Variants in TRRAP observed in about 807,000 individuals in gnomAD.
TRRAP encodes transformation/transcription domain associated protein.
A neutral mutation model predicts 438.8 loss-of-function variants in TRRAP; 41 were observed. The observed-to-expected ratio is 0.09, with a 90% CI of 0.07 to 0.12. TRRAP has a LOEUF of 0.12. TRRAP is among the 10% of genes least tolerant of loss of function. The pLI is 1.00. For synonymous variants in TRRAP, 1,994 were observed against 1,962.9 expected (o/e 1.02, Z -0.42); for missense variants, 3,122 against 5,055.1 (o/e 0.62, Z 11.60).
chr7:98,930,774 A>T lies in TRRAP; in HGVS notation c.3535A>T (p.Asn1179Tyr). ...GCTGCCTCTCACTTGGGTTCTCCAG[A>T]ACCAGCAGACATTCCTGAAAGCACT... ...ERLPLTWVLQ[N>Y]QQTFLKALLF... Residue 1179 changes from asparagine (N) to tyrosine (Y), a missense_variant, in exon 25 of 73, where the codon AAC (asparagine) becomes TAC (tyrosine). Around this residue, in one of 24 missense-constraint regions of TRRAP, gnomAD observed 153 missense variants for 223.0 expected, o/e 0.69. Coordinates refer to ENST00000456197, the MANE Select transcript of TRRAP (RefSeq NM_001375524.1). 1 of 1,614,222 alleles carries T rather than the reference A, an allele frequency of 6.2e-7. No individual in the cohort carries two copies. Among genetic ancestry groups the T allele is most frequent in the Non-Finnish European group, 8.5e-7 (1 of 1,180,054 alleles).
At chr7:98,930,586 A>C in intron 24 of TRRAP, 47 bp from the exon 25 acceptor site, 1 of 1,604,310 alleles carries the variant, frequency 6.2e-7, no homozygotes, top group East Asian at 2.2e-5. Context: ...CTCAAAAAAA[A>C]CAAGAATTGC....
At chr7:98,906,630 G>A (rs948345776) in intron 13 of TRRAP, among the ~76,000 whole-genome samples, 7 of 151,584 alleles carry the variant, frequency 4.6e-5, no homozygotes, top group Middle Eastern at 3.4e-3. Flanking sequence ...ATGGGGTTTC[G>A]CCATGTTGGC....
At chr7:98,923,500 A>G (rs1334891411) in intron 21 of TRRAP, among the ~76,000 whole-genome samples, 2 of 152,252 alleles carry the variant, frequency 1.3e-5, no homozygotes, top group African/African-American at 4.8e-5. Context: ...CCATTAAACC[A>G]TTCTGCTTTT....
At chr7:98,903,344 C>A (rs1584288839) in intron 11 of TRRAP, 35 bp from the exon 12 acceptor site, 1 of 1,612,500 alleles carries the variant, frequency 6.2e-7, no homozygotes, top group East Asian at 2.2e-5. Flanking sequence ...ACTCTCCTAT[C>A]CCTGTAACTG....
chr7:98,938,791 G>A (rs1468134547), intron 30 of TRRAP, among the ~76,000 whole-genome samples: 1 of 152,190 alleles, frequency 6.6e-6, no homozygotes, highest in Non-Finnish European at 1.5e-5. Context: ...TATCTGTGGT[G>A]TACATTTCTA....
intron 19 of TRRAP, among the ~76,000 whole-genome samples, chr7:98,917,204 A>G (rs960080754): frequency 2.0e-5 from 3 of 152,006 alleles, no homozygotes; most frequent in Non-Finnish European, 2.9e-5. Context: ...TTAAATTATA[A>G]TTTATAACAG....
chr7:98,910,639 A>G (rs782261911), intron 16 of TRRAP, 32 bp downstream of exon 16: 1 of 1,572,052 alleles, frequency 6.4e-7, no homozygotes, highest in Non-Finnish European at 8.7e-7. Context: ...AGGCTTTCGC[A>G]TATGGAAAGT....
chr7:98,980,593 C>T (rs1016880140), intron 58 of TRRAP, among the ~76,000 whole-genome samples: 2 of 152,192 alleles, frequency 1.3e-5, no homozygotes, highest in East Asian at 1.9e-4. Context: ...ATGGAACTGA[C>T]GCTGGAGTGC....
At chr7:98,950,309 G>A (rs782105069) in intron 38 of TRRAP, 47 bp downstream of exon 38, 24 of 1,592,442 alleles carry the variant, frequency 1.5e-5, no homozygotes, top group Non-Finnish European at 2.1e-5. Flanking sequence ...ATTTGGTCTG[G>A]TTTTCTAGGG....
intron 23 of TRRAP, among the ~76,000 whole-genome samples, 166 bp from the exon 24 acceptor site, chr7:98,929,823 A>G (rs1040674085): frequency 6.6e-6 from 1 of 151,938 alleles, no homozygotes; most frequent in African/African-American, 2.4e-5. Flanking sequence ...TCAAACTTCT[A>G]TGTCAAGTGA....
Position 98,956,470 on chromosome 7 carries a change from C to G in TRRAP, c.6168C>G (p.Gly2056=). The change falls in exon 43 of 73, where the codon GGC becomes GGG. Residue 2056 remains glycine, a synonymous_variant. Transcript: ENST00000456197. The surrounding 1 kb of genome is among the most constrained non-coding windows in gnomAD (Gnocchi z 4.5). ...CTGTCTCATCCTCCATTAAGAGAGG[C>G]CTGTCCGTGGATTCTGCCCAGGAAG... ...VNSVSSSIKR[G]LSVDSAQEVK... is the part of the protein sequence containing the mutation. The G allele has an allele frequency of 6.2e-7, 1 of 1,614,224 alleles. No homozygotes were observed. The highest frequency in any genetic ancestry group is 8.5e-7 in the Non-Finnish European group (1 of 1,180,046).
At chr7:98,977,130 C>G in intron 56 of TRRAP, 54 bp downstream of exon 56, 1 of 1,603,328 alleles carries the variant, frequency 6.2e-7, no homozygotes, top group Non-Finnish European at 8.5e-7. Flanking sequence ...TCATTTATAA[C>G]GGTTCTTTAA....
intron 3 of TRRAP, among the ~76,000 whole-genome samples, chr7:98,886,121 C>T (rs1795683625): frequency 6.6e-6 from 1 of 152,124 alleles, no homozygotes; most frequent in Admixed American, 6.5e-5. Flanking sequence ...TCTGTCTCTA[C>T]TCCAAATACA....
chr7:98,942,812 A>G (rs1554415972), intron 30 of TRRAP, 137 bp from the exon 31 acceptor site: 2 of 874,782 alleles, frequency 2.3e-6, no homozygotes, highest in Admixed American at 4.7e-5. Context: ...CACTAGTTAG[A>G]TGGTTGCGCT....
In TRRAP at chr7:98,948,251, C is replaced by G. The variant is rs781988203; in HGVS notation, c.4579C>G (p.Leu1527Val). 5.6e-6 allele frequency: 9 copies of G among 1,613,960 alleles called. No individual in the cohort carries two copies. The South Asian group carries it at 9.9e-5, about 18-fold the overall frequency. Residue 1527 changes from leucine (L) to valine (V), a missense_variant, in exon 34 of 73, where the codon CTT becomes GTT. Coordinates refer to ENST00000456197, the MANE Select transcript of TRRAP (RefSeq NM_001375524.1). This position sits in a 1 kb window ranked among gnomAD's most constrained non-coding sequence, Gnocchi z 4.9. ...GAAGATTTGCTCAGCAATTATAAAC[C>G]TTTTTCATCTGATCCCGGCTGCTCC... The part of the protein sequence containing the change: ...EMKICSAIIN[L>V]FHLIPAAPQT...
intron 8 of TRRAP, among the ~76,000 whole-genome samples, chr7:98,898,125 G>A (rs1796304815): frequency 6.6e-6 from 1 of 152,112 alleles, no homozygotes. Flanking sequence ...GACCAGGTGT[G>A]GGGTGTCTGT....
At chr7:98,879,857 G>T (rs1483863331) in intron 1 of TRRAP, among the ~76,000 whole-genome samples, 1 of 152,314 alleles carries the variant, frequency 6.6e-6, no homozygotes, top group Admixed American at 6.5e-5. Flanking sequence ...CTGCAAAGCA[G>T]TGTATCCGGT....
rs555054451 is a variant in TRRAP, at chr7:98,915,590, G to T, written c.2200-133G>T. 2.3e-5 allele frequency: 26 copies of T among 1,120,130 alleles called. 1 individual carries two copies. In the South Asian group the frequency reaches 3.2e-4, roughly 14 times the overall value. The allele number at this position is 1,120,130 out of a possible 1,614,324, so 69.4% of individuals were successfully genotyped here. A position where few individuals can be genotyped will look rare whatever the true frequency, so the allele number is the denominator to read the frequency against. ...ATAAAGATTGGAATATGCTTGTTTG[G>T]TTTTTTCCCTTTGGAGTAAACACAT... is the stretch of plus-strand genomic sequence containing the variant. On this transcript the variant is annotated intron_variant, in intron 18 of 72. Transcript: ENST00000456197.
intron 46 of TRRAP, among the ~76,000 whole-genome samples, chr7:98,961,811 C>T (rs568740429): frequency 2.2e-4 from 34 of 152,192 alleles, no homozygotes; most frequent in Admixed American, 1.6e-3. Flanking sequence ...CCCAGCTACT[C>T]GGGAGGCTGA....
Sources: allele counts gnomAD v4.1 joint callset (sites outside exome capture counted in the v4.1 genomes callset), GRCh38; gene constraint gnomAD v4.1.1; regional missense constraint gnomAD v4.1.1; non-coding constraint Gnocchi (gnomAD v3.1); transcripts MANE v1.5; gene names NCBI Gene and HGNC (gene_info 2026-07-23, HGNC 2026-07-21).